The following TENM4 variants were observed in gnomAD, a reference collection of about 807,000 sequenced individuals.
The protein encoded by TENM4 is teneurin transmembrane protein 4.
TENM4 carries 82 observed loss-of-function variants against 243.3 expected under a neutral mutation model. That is an observed-to-expected ratio of 0.34 (90% CI 0.28 to 0.40). The LOEUF is 0.40. Among genes scored for constraint, TENM4 ranks in the 10% least tolerant of loss-of-function variants. TENM4 has a pLI of 1.00. For synonymous variants in TENM4, 1,412 were observed against 1,456.3 expected, an observed-to-expected ratio of 0.97 and a Z score of 0.69; for missense variants, 3,138 against 3,673.3, an observed-to-expected ratio of 0.85 and a Z score of 3.77.
intron 1 of TENM4, among the ~76,000 whole-genome samples, chr11:79,366,171 C>A (rs1565316725): frequency 6.6e-6 from 1 of 152,268 alleles, no homozygotes; most frequent in East Asian, 1.9e-4. Flanking sequence ...CTGTTTTATC[C>A]CCAGCTCTGA....
At chr11:79,284,992 T>A (rs937907759) in intron 2 of TENM4, among the ~76,000 whole-genome samples, 2 of 151,974 alleles carry the variant, frequency 1.3e-5, no homozygotes, top group Admixed American at 6.6e-5. Context: ...AATCCCAGCA[T>A]ACTTTGGGAG....
chr11:79,124,887 A>ATG (rs750326710), intron 4 of TENM4, among the ~76,000 whole-genome samples: 112 of 74,456 alleles, frequency 1.5e-3, no homozygotes, highest in African/African-American at 4.6e-3. Flanking sequence ...ATATATGTAT[A>ATG]TGTATATGTG....
chr11:79,396,149 G>A (rs371310868), intron 1 of TENM4, among the ~76,000 whole-genome samples: 51 of 152,268 alleles, frequency 3.3e-4, no homozygotes, highest in African/African-American at 1.1e-3. Context: ...TCAGATGAAA[G>A]CTTGATCCTT....
intron 19 of TENM4, among the ~76,000 whole-genome samples, chr11:78,749,880 CT>C (rs1395590605): frequency 2.0e-5 from 3 of 152,144 alleles, no homozygotes; most frequent in African/African-American, 4.8e-5. Context: ...GTTCCTGCCC[CT>C]AACCCACTTT....
intron 4 of TENM4, among the ~76,000 whole-genome samples, chr11:79,134,190 C>T (rs1862064964): frequency 6.6e-6 from 1 of 152,112 alleles, no homozygotes; most frequent in Admixed American, 6.5e-5. Flanking sequence ...AGTAGCTCTT[C>T]TATACACCAA....
chr11:78,736,347 C>CTA (rs1855792109), intron 20 of TENM4, among the ~76,000 whole-genome samples: 1 of 152,058 alleles, frequency 6.6e-6, no homozygotes, highest in Admixed American at 6.6e-5. Context: ...TTCATGGCCT[C>CTA]TATTTTCCAT....
chr11:78,953,563 T>C (rs147717523), intron 6 of TENM4, among the ~76,000 whole-genome samples: 1 of 152,034 alleles, frequency 6.6e-6, no homozygotes, highest in African/African-American at 2.4e-5. Flanking sequence ...TCCAAATCCA[T>C]GGACTCAACC....
In TENM4 at chr11:79,437,945, T is replaced by A. The variant is rs146179282; in HGVS notation, c.-321+2564A>T. The stretch of plus-strand genomic sequence containing the variant: ...TGGGGATTTTTTTCCAGCCGAGCAC[T>A]GGCTTTTCAATCGCATTGTTAAGGA... On this transcript the variant is annotated intron_variant, in intron 1 of 33. Transcript: ENST00000278550. Among the ~76,000 whole-genome samples, 3 of 152,314 alleles carry A rather than the reference T, an allele frequency of 2.0e-5. No individual in the cohort carries two copies. The East Asian group carries it at 5.8e-4, about 29-fold the overall frequency.
chr11:78,787,051 C>G lies in TENM4; in HGVS notation c.2212G>C (p.Val738Leu), dbSNP rs760546987. ...ICAADCGGHG[V>L]CVGGTCRCED... is the part of the protein sequence containing the mutation. ...CAGCGGCAGGTGCCCCCTACGCACACGCCATGGCCACCACAGTCGGCAGCA... is the reference window on the plus strand; with the variant it reads ...CAGCGGCAGGTGCCCCCTACGCACAGGCCATGGCCACCACAGTCGGCAGCA... The change falls in exon 16 of 34, where the codon GTG (valine) becomes CTG (leucine). Residue 738 changes from valine to leucine, a missense_variant. By Grantham distance (32) the Val-to-Leu change is conservative (BLOSUM62 1). This residue lies in a region of TENM4 where 2,467 missense variants were observed against 3,059.1 expected (regional missense o/e 0.81). Transcript: ENST00000278550. The G allele has an allele frequency of 6.4e-7, 1 of 1,550,898 alleles. No homozygotes were observed. The highest frequency in any genetic ancestry group is 8.7e-7 in the Non-Finnish European group (1 of 1,146,836).
chr11:79,068,806 G>A (rs571755478), intron 5 of TENM4, among the ~76,000 whole-genome samples: 1 of 152,338 alleles, frequency 6.6e-6, no homozygotes, highest in Non-Finnish European at 1.5e-5. Context: ...AACTTGAGCA[G>A]TTCAGCAGGG....
intron 15 of TENM4, among the ~76,000 whole-genome samples, chr11:78,803,733 C>G (rs2136081408): frequency 6.6e-6 from 1 of 152,312 alleles, no homozygotes; most frequent in Non-Finnish European, 1.5e-5. Context: ...GGGGTTTCAT[C>G]AGGGATTAAC....
chr11:78,955,171 C>T (rs1349736240), intron 6 of TENM4, among the ~76,000 whole-genome samples: 1 of 152,226 alleles, frequency 6.6e-6, no homozygotes, highest in Non-Finnish European at 1.5e-5. Context: ...CAGCTCTGTG[C>T]TAAGCTGCAT....
chr11:79,254,375 C>T (rs943147181), intron 2 of TENM4, among the ~76,000 whole-genome samples: 14 of 152,290 alleles, frequency 9.2e-5, no homozygotes, highest in African/African-American at 2.4e-4. Flanking sequence ...CTCCTAGGTA[C>T]GTTGTCAAAG....
intron 1 of TENM4, among the ~76,000 whole-genome samples, chr11:79,324,777 A>G (rs1856946791): frequency 6.6e-6 from 1 of 152,156 alleles, no homozygotes; most frequent in South Asian, 2.1e-4. Flanking sequence ...TGGGTAGATG[A>G]CACTGCTGCT....
intron 6 of TENM4, among the ~76,000 whole-genome samples, chr11:78,945,911 A>G (rs993011345): frequency 6.6e-6 from 1 of 152,222 alleles, no homozygotes; most frequent in East Asian, 1.9e-4. Flanking sequence ...GCTGTCTAAG[A>G]AAAGTTTCAA....
intron 6 of TENM4, among the ~76,000 whole-genome samples, chr11:78,939,383 C>T (rs577683976): frequency 6.6e-5 from 10 of 152,320 alleles, no homozygotes; most frequent in Admixed American, 3.3e-4. Context: ...AAACTGGCCC[C>T]GAAGGCCCTT....
At chr11:79,339,020 C>A (rs1012796081) in intron 1 of TENM4, among the ~76,000 whole-genome samples, 1 of 152,164 alleles carries the variant, frequency 6.6e-6, no homozygotes, top group Non-Finnish European at 1.5e-5. Context: ...GTTGGCAACG[C>A]CTGCTCAAAC....
chr11:78,769,264 C>T (rs1856601888), intron 18 of TENM4, among the ~76,000 whole-genome samples: 1 of 152,314 alleles, frequency 6.6e-6, no homozygotes, highest in Non-Finnish European at 1.5e-5. Context: ...AATATAAATA[C>T]ACTTTGCCTT....
chr11:78,884,438 T>C (rs977751792), intron 9 of TENM4, among the ~76,000 whole-genome samples: 5 of 135,820 alleles, frequency 3.7e-5, no homozygotes, highest in Admixed American at 3.2e-4. Context: ...GATCTTTTGA[T>C]TCTACATTGT....
Sources: gnomAD v4.1 joint callset for allele counts (sites outside exome capture counted in the v4.1 genomes callset) on GRCh38, gnomAD v4.1.1 for gene constraint, gnomAD v4.1.1 regional missense constraint, MANE v1.5 for transcripts, NCBI Gene and HGNC (gene_info 2026-07-23, HGNC 2026-07-21) for gene names.